The following SLC35H1 variants were observed in gnomAD, a reference collection of about 807,000 sequenced individuals.
SLC35H1 encodes the protein ovarian cancer-overexpressed gene 1 protein.
At chr20:46,354,655 C>T in the SLC35H1 span, among the ~76,000 whole-genome samples, 6 of 152,156 alleles carry the variant, frequency 3.9e-5, no homozygotes, top group African/African-American at 1.4e-4. Context: ...CAGAACAGCC[C>T]TGGTGCACTT....
chr20:46,352,091 C>T, the SLC35H1 span: 1 of 1,614,218 alleles, frequency 6.2e-7, no homozygotes, highest in Admixed American at 1.7e-5. Flanking sequence ...GCTGGAGGTT[C>T]TGGAGACCAG....
chr20:46,353,870 G>A, the SLC35H1 span, among the ~76,000 whole-genome samples: 3 of 152,012 alleles, frequency 2.0e-5, no homozygotes, highest in Admixed American at 6.6e-5. Context: ...GAAAAAAAAC[G>A]AGGCCCTGAA....
At chr20:46,349,155 T>C in the SLC35H1 span, 3 of 152,222 alleles carry the variant, frequency 2.0e-5, no homozygotes, top group Admixed American at 1.3e-4. Context: ...TGTGGTGCAA[T>C]GGCGCCACCT....
chr20:46,357,380 G>T, the SLC35H1 span, among the ~76,000 whole-genome samples: 1 of 152,398 alleles, frequency 6.6e-6, no homozygotes. Context: ...GCAGGAGAGG[G>T]AGCTGCGGGG....
At chr20:46,354,703 A>C in the SLC35H1 span, among the ~76,000 whole-genome samples, 1 of 152,116 alleles carries the variant, frequency 6.6e-6, no homozygotes, top group Non-Finnish European at 1.5e-5. Flanking sequence ...CTGTTCCCTG[A>C]ATTTTATATG....
At chr20:46,358,288 G>T in the SLC35H1 span, 2 of 1,138,108 alleles carry the variant, frequency 1.8e-6, no homozygotes, top group Non-Finnish European at 2.6e-6. Context: ...AGTTAGACTG[G>T]TTGAAGCTTG....
the SLC35H1 span, chr20:46,355,984 G>A: frequency 1.3e-6 from 2 of 1,504,602 alleles, no homozygotes; most frequent in Non-Finnish European, 1.8e-6. The surrounding 1 kb of genome is among the most constrained non-coding windows in gnomAD (Gnocchi z 4.8). Flanking sequence ...ACAGAGCTGG[G>A]CTGTCATCTG....
At chr20:46,352,416 C>G in the SLC35H1 span, 1 of 593,010 alleles carries the variant, frequency 1.7e-6, no homozygotes, top group Non-Finnish European at 2.9e-6. Context: ...CCTGGGGAAA[C>G]CAGGGAAGCA....
chr20:46,352,137 T>C, the SLC35H1 span: 1 of 1,614,074 alleles, frequency 6.2e-7, no homozygotes, highest in Non-Finnish European at 8.5e-7. Context: ...AAGGCGAGAA[T>C]CCCGCCAAGG....
At chr20:46,350,338 G>C in the SLC35H1 span, 14 of 1,537,230 alleles carry the variant, frequency 9.1e-6, no homozygotes, top group East Asian at 3.2e-4. Flanking sequence ...TGAGCACAGT[G>C]AGTGCTGGCA....
the SLC35H1 span, chr20:46,350,283 A>G: frequency 1.5e-6 from 2 of 1,355,874 alleles, no homozygotes; most frequent in Non-Finnish European, 2.0e-6. Context: ...CCACCTGGTG[A>G]CTCCCGTCCA....
chr20:46,357,009 T>C, the SLC35H1 span, among the ~76,000 whole-genome samples: 2 of 152,188 alleles, frequency 1.3e-5, no homozygotes, highest in Admixed American at 6.5e-5. Context: ...ACATGACCCC[T>C]GCCCACCCTC....
the SLC35H1 span, chr20:46,352,487 T>TCCTAGCGGGATGATGGGAC: frequency 9.2e-6 from 4 of 436,848 alleles, no homozygotes; most frequent in Admixed American, 7.8e-5. Flanking sequence ...ATGATGCGGA[T>TCCTAGCGGGATGATGGGAC]CCTAGCGGGA....
chr20:46,351,309 AGACTCCAAACAG>A, the SLC35H1 span, among the ~76,000 whole-genome samples: 1 of 152,220 alleles, frequency 6.6e-6, no homozygotes, highest in Admixed American at 6.5e-5. Flanking sequence ...CTATAAACAG[AGACTCCAAACAG>A]GACTGGCAAG....
chr20:46,362,177 A>T, the SLC35H1 span, among the ~76,000 whole-genome samples: 4 of 152,224 alleles, frequency 2.6e-5, no homozygotes, highest in Non-Finnish European at 5.9e-5. Flanking sequence ...ATGAGCATTT[A>T]TCAAGCACTC....
the SLC35H1 span, chr20:46,357,884 T>A: frequency 8.3e-7 from 1 of 1,200,088 alleles, no homozygotes; most frequent in Non-Finnish European, 1.2e-6. Context: ...CGGTGGTTCA[T>A]GAGGACCTTG....
At chr20:46,354,774 T>C in the SLC35H1 span, 5 of 986,238 alleles carry the variant, frequency 5.1e-6, no homozygotes, top group Non-Finnish European at 7.7e-6. Context: ...GGGGAGGGAC[T>C]GCATCTTTGA....
the SLC35H1 span, chr20:46,350,995 A>T: frequency 6.9e-7 from 1 of 1,441,294 alleles, no homozygotes; most frequent in Non-Finnish European, 9.5e-7. Flanking sequence ...TGGGCAGATC[A>T]AGATCTTACT....
At chr20:46,352,025 G>A in the SLC35H1 span, 1 of 1,611,696 alleles carries the variant, frequency 6.2e-7, no homozygotes, top group African/African-American at 1.3e-5. Context: ...TCTAAGACAG[G>A]ACTGGCATCA....
Sources: allele counts gnomAD v4.1 joint callset (sites outside exome capture counted in the v4.1 genomes callset), GRCh38; gene constraint gnomAD v4.1.1; non-coding constraint Gnocchi (gnomAD v3.1); transcripts MANE v1.5; gene names NCBI Gene and HGNC (gene_info 2026-07-23, HGNC 2026-07-21).